Variants in TRAPPC12 observed in about 807,000 individuals in gnomAD.
TRAPPC12 encodes the protein trafficking protein particle complex subunit 12.
Under a neutral mutation model 69.2 loss-of-function variants are expected in TRAPPC12, and 61 were observed. The ratio of observed to expected loss-of-function variants is 0.88; its 90% CI spans 0.72 to 1.09. The LOEUF (loss-of-function observed/expected upper bound fraction) is 1.09. TRAPPC12 is among the 50% of genes least tolerant of loss of function. The probability of loss-of-function intolerance (pLI) is 0.00; values close to 1 mark genes in which losing one functional copy is unlikely to be tolerated. For synonymous variants in TRAPPC12, 469 were observed against 438.9 expected (o/e 1.07, Z -0.86); for missense variants, 1,101 against 1,016.4 (o/e 1.08, Z -1.13).
chr2:3,381,434 T>G (rs1165249909), intron 1 of TRAPPC12, among the ~76,000 whole-genome samples: 1 of 152,208 alleles, frequency 6.6e-6, no homozygotes, highest in African/African-American at 2.4e-5. Context: ...TAAAAAAATT[T>G]TAAACAATTA....
intron 9 of TRAPPC12, among the ~76,000 whole-genome samples, chr2:3,471,413 T>C (rs1021958493): frequency 6.6e-6 from 1 of 152,166 alleles, no homozygotes; most frequent in Admixed American, 6.5e-5. Context: ...CTGCCAACTG[T>C]CAGCGCACCC....
At chr2:3,383,128 T>G (rs1187096755) in intron 1 of TRAPPC12, among the ~76,000 whole-genome samples, 5 of 152,230 alleles carry the variant, frequency 3.3e-5, no homozygotes, top group African/African-American at 9.6e-5. Context: ...ATTTTTCTAA[T>G]GGATCATTTA....
chr2:3,393,548 G>A (rs1027011873), intron 2 of TRAPPC12, among the ~76,000 whole-genome samples: 1 of 152,082 alleles, frequency 6.6e-6, no homozygotes, highest in Non-Finnish European at 1.5e-5. Context: ...TGACGGTTGT[G>A]TTAATTATTT....
At chr2:3,402,573 G>T (rs1472174262) in intron 3 of TRAPPC12, among the ~76,000 whole-genome samples, 1 of 152,198 alleles carries the variant, frequency 6.6e-6, no homozygotes, top group Non-Finnish European at 1.5e-5. Flanking sequence ...TCCAGCCTCG[G>T]CTACAGAGCG....
At chr2:3,479,035 C>T (rs377018973) in intron 11 of TRAPPC12, 102 bp downstream of exon 11, 2 of 1,476,166 alleles carry the variant, frequency 1.4e-6, no homozygotes, top group Non-Finnish European at 9.3e-7. Context: ...TCTCTCTCTC[C>T]AGTCCACCAG....
At chr2:3,397,516 C>G (rs894226589) in intron 2 of TRAPPC12, among the ~76,000 whole-genome samples, 1 of 152,248 alleles carries the variant, frequency 6.6e-6, no homozygotes, top group East Asian at 1.9e-4. Flanking sequence ...GCTGCACTCT[C>G]TGCACATACA....
At position 3,398,491 on chromosome 2, in the gene TRAPPC12, C is replaced by T. The variant is rs115542280; in HGVS notation, c.1048-3286C>T. Among the ~76,000 whole-genome samples the T allele has an allele frequency of 5.8e-3, 888 of 152,294 alleles. 6 individuals are homozygous for T. The highest frequency in any genetic ancestry group is 0.02 in the African/African-American group (839 of 41,556). ...ATAAACAGGCACCTTTCTGCATTGG[C>T]GATGTGGCAGAAAGCTCAGCGTGTT... On this transcript the variant is annotated intron_variant, in intron 2 of 11. Coordinates refer to ENST00000324266, the MANE Select transcript of TRAPPC12 (RefSeq NM_016030.6).
rs758900838 is a variant in TRAPPC12 at position 3,465,671 on chromosome 2, C to T, written c.1752C>T (p.Ser584=). ...YYPEQEPQLL[S]GIGRISLQIG... ...CAGAGCAAGAGCCCCAGCTGCTCAG[C>T]GGCATCGGCCGGATTTCCCTGCAGG... The change falls in exon 9 of 12, where the codon AGC becomes AGT. Residue 584 remains serine (S), a synonymous_variant. Transcript: ENST00000324266. 6.8e-6 allele frequency: 11 copies of T among 1,613,930 alleles called. No homozygotes were observed. The highest frequency in any genetic ancestry group is 6.6e-5 in the South Asian group (6 of 91,092).
chr2:3,465,166 T>G (rs967641342), intron 8 of TRAPPC12, among the ~76,000 whole-genome samples: 1 of 152,212 alleles, frequency 6.6e-6, no homozygotes, highest in African/African-American at 2.4e-5. Flanking sequence ...ATAGAAAACG[T>G]TTAAGAGACA....
chr2:3,446,699 C>T (rs143267587), intron 6 of TRAPPC12, among the ~76,000 whole-genome samples: 4 of 152,350 alleles, frequency 2.6e-5, no homozygotes, highest in South Asian at 2.1e-4. Flanking sequence ...TGCGTCTCCA[C>T]GCTGTCCAGA....
intron 2 of TRAPPC12, among the ~76,000 whole-genome samples, chr2:3,393,138 A>T (rs1660919527): frequency 6.6e-6 from 1 of 152,252 alleles, no homozygotes; most frequent in Non-Finnish European, 1.5e-5. Flanking sequence ...TTTTAAAGAA[A>T]AGAAAATATA....
chr2:3,440,401 G>C (rs1426570089), intron 5 of TRAPPC12, among the ~76,000 whole-genome samples: 3 of 151,864 alleles, frequency 2.0e-5, no homozygotes, highest in Non-Finnish European at 4.4e-5. Flanking sequence ...TAGCTCTTGT[G>C]CATATTTTGT....
At chr2:3,384,214 A>G (rs1011893212) in intron 1 of TRAPPC12, among the ~76,000 whole-genome samples, 12 of 152,022 alleles carry the variant, frequency 7.9e-5, no homozygotes, top group African/African-American at 2.9e-4. Context: ...CAGTCTTTAT[A>G]CCATAGATTT....
At chr2:3,457,490 G>T (rs1665221295) in intron 6 of TRAPPC12, 131 bp from the exon 7 acceptor site, 2 of 673,402 alleles carry the variant, frequency 3.0e-6, no homozygotes, top group East Asian at 2.7e-5. Flanking sequence ...TTTTTTAAAA[G>T]TATGTGTGAA....
At position 3,443,766 on chromosome 2, in the gene TRAPPC12, G is replaced by T; in HGVS notation, c.1418-13G>T. 1 of 1,612,512 alleles carries T rather than the reference G, an allele frequency of 6.2e-7. No homozygotes were observed. Among genetic ancestry groups the T allele is most frequent in the Non-Finnish European group, 8.5e-7 (1 of 1,178,682 alleles). ...ATGGCAAACAAACTCACTCAGCACT[G>T]ATTGGATTCCAGGCTCCATGGTCCC... On this transcript the variant is annotated splice_polypyrimidine_tract_variant and intron_variant, in intron 5 of 11. Transcript: ENST00000324266.
intron 3 of TRAPPC12, among the ~76,000 whole-genome samples, chr2:3,416,452 G>C (rs1371350122): frequency 6.6e-6 from 1 of 151,924 alleles, no homozygotes; most frequent in African/African-American, 2.4e-5. Flanking sequence ...GGGCCCCCAG[G>C]CCACTTCCTA....
chr2:3,428,279 T>C (rs1663227225), intron 5 of TRAPPC12, among the ~76,000 whole-genome samples: 1 of 152,250 alleles, frequency 6.6e-6, no homozygotes, highest in East Asian at 1.9e-4. Flanking sequence ...ACATAAATCA[T>C]ACATACATTT....
chr2:3,399,468 T>C (rs1184451285), intron 2 of TRAPPC12, among the ~76,000 whole-genome samples: 10 of 152,234 alleles, frequency 6.6e-5, no homozygotes, highest in Non-Finnish European at 1.5e-5. Flanking sequence ...CTTCACCTTA[T>C]GCTCTGAAAG....
chr2:3,474,144 C>G (rs1033089451), intron 9 of TRAPPC12, among the ~76,000 whole-genome samples: 1 of 152,206 alleles, frequency 6.6e-6, no homozygotes, highest in African/African-American at 2.4e-5. Context: ...GGAGCTCTCC[C>G]CCACCCCTCA....
Sources: allele counts gnomAD v4.1 joint callset (sites outside exome capture counted in the v4.1 genomes callset), GRCh38; gene constraint gnomAD v4.1.1; transcripts MANE v1.5; gene names NCBI Gene and HGNC (gene_info 2026-07-23, HGNC 2026-07-21).